YWHAQ: variants seen among roughly 807,000 people sequenced by gnomAD.
The protein encoded by YWHAQ is 14-3-3 protein theta.
A neutral mutation model predicts 28.3 loss-of-function variants in YWHAQ; 6 were observed. The observed-to-expected ratio is 0.21, with a 90% CI of 0.12 to 0.42. The LOEUF (loss-of-function observed/expected upper bound fraction) is 0.42, where lower values mean the gene tolerates loss of function less well. Among genes scored for constraint, YWHAQ ranks in the 10% least tolerant of loss-of-function variants. The pLI is 1.00. For synonymous variants in YWHAQ, 143 were observed against 119.1 expected, an observed-to-expected ratio of 1.20 and a Z score of -1.31; for missense variants, 201 against 305.6, an observed-to-expected ratio of 0.66 and a Z score of 2.55.
chr2:9,622,469 T>G (rs1667159577), intron 2 of YWHAQ, among the ~76,000 whole-genome samples: 1 of 152,250 alleles, frequency 6.6e-6, no homozygotes, highest in South Asian at 2.1e-4. Context: ...TCAATTTTCC[T>G]ACTAGTGGAT....
chr2:9,604,404 T>C (rs892609899), intron 2 of YWHAQ, among the ~76,000 whole-genome samples: 2 of 152,206 alleles, frequency 1.3e-5, no homozygotes, highest in Non-Finnish European at 2.9e-5. Context: ...GTATTCACTA[T>C]GAATTATATT....
chr2:9,612,942 C>A (rs1288341258), intron 2 of YWHAQ, among the ~76,000 whole-genome samples: 1 of 152,134 alleles, frequency 6.6e-6, no homozygotes, highest in African/African-American at 2.4e-5. Flanking sequence ...TGTACATTTA[C>A]CAACAAACAA....
At chr2:9,591,269 TGACA>T in intron 3 of YWHAQ, 119 bp downstream of exon 3, 1 of 1,195,828 alleles carries the variant, frequency 8.4e-7, no homozygotes, top group South Asian at 2.1e-5. Flanking sequence ...CTAATTTTCT[TGACA>T]TACATTCAAT....
chr2:9,593,257 T>G (rs13033994), intron 2 of YWHAQ, among the ~76,000 whole-genome samples: 21,512 of 121,352 alleles, frequency 0.18, 1,362 homozygotes, highest in Non-Finnish European at 0.25. Context: ...TTTTTTTTTT[T>G]GAGACAAAGT....
intron 3 of YWHAQ, among the ~76,000 whole-genome samples, chr2:9,590,905 T>C (rs1412417967): frequency 6.6e-6 from 1 of 152,194 alleles, no homozygotes; most frequent in Admixed American, 6.5e-5. Flanking sequence ...AGAAATCTGA[T>C]TATATGTAAT....
chr2:9,621,596 G>C lies in YWHAQ; in HGVS notation c.294+8563C>G, dbSNP rs1558551046. Among the ~76,000 whole-genome samples, 7 of 151,710 alleles carry C rather than the reference G, an allele frequency of 4.6e-5. No individual in the cohort carries two copies. In the South Asian group the frequency reaches 1.5e-3, roughly 32 times the overall value. On this transcript the variant is annotated intron_variant, in intron 2 of 5. Coordinates refer to ENST00000238081, the MANE Select transcript of YWHAQ (RefSeq NM_006826.4). ...AGACATAAGTACAGGCATATCACTA[G>C]TTTTTTTTCAAAGCAAAATTTACAT...
rs1666317184 is a variant in YWHAQ at position 9,585,132 on chromosome 2, A to C, written c.*154T>G. On this transcript the variant is annotated 3_prime_UTR_variant, in exon 6 of 6. Transcript: ENST00000238081. ...CAAGACAAACACAAATCAAGGAATG[A>C]AGTTTTCCCAAAGCTGCAGTGTGAA... The C allele has an allele frequency of 3.8e-6, 3 of 780,226 alleles. No homozygotes were observed. Among genetic ancestry groups the C allele is most frequent in the Non-Finnish European group, 2.1e-6 (1 of 480,486 alleles). The allele number at this position is 780,226 out of a possible 1,614,324, so 48.3% of individuals were successfully genotyped here.
intron 3 of YWHAQ, among the ~76,000 whole-genome samples, chr2:9,590,990 T>G (rs922684525): frequency 3.3e-4 from 50 of 152,230 alleles, no homozygotes; most frequent in Non-Finnish European, 5.1e-4. Context: ...ACAACCTGTT[T>G]CCACGTTCTG....
intron 2 of YWHAQ, among the ~76,000 whole-genome samples, chr2:9,629,490 C>A (rs139526706): frequency 6.6e-6 from 1 of 152,318 alleles, no homozygotes; most frequent in Non-Finnish European, 1.5e-5. Context: ...CTGCTCCACA[C>A]TGGAAACGAA....
In YWHAQ at chr2:9,584,122, C is replaced by A. The variant is rs1329994305; in HGVS notation, c.*1164G>T. 6.6e-6 allele frequency: 1 copy of A among 152,558 alleles called. No individual in the cohort carries two copies. The highest frequency in any genetic ancestry group is 1.5e-5 in the Non-Finnish European group (1 of 68,032). The allele number at this position is 152,558 out of a possible 1,614,324, so 9.5% of individuals were successfully genotyped here. ...TTATACACTTCCAGGCATCCCTAGA[C>A]AAGTGTGTCACAATGCACAATGTGG... On this transcript the variant is annotated 3_prime_UTR_variant, in exon 6 of 6. Transcript: ENST00000238081.
At chr2:9,592,511 G>C (rs1666477637) in intron 2 of YWHAQ, among the ~76,000 whole-genome samples, 1 of 152,030 alleles carries the variant, frequency 6.6e-6, no homozygotes, top group African/African-American at 2.4e-5. Flanking sequence ...AGATAACAAG[G>C]TCAGGAGTTC....
At chr2:9,588,514 T>C (rs1302580638) in intron 3 of YWHAQ, among the ~76,000 whole-genome samples, 186 bp from the exon 4 acceptor site, 1 of 152,174 alleles carries the variant, frequency 6.6e-6, no homozygotes, top group Non-Finnish European at 1.5e-5. Flanking sequence ...CTCACGCCTA[T>C]AATCCCAGCA....
At chr2:9,597,978 C>G (rs78242894) in intron 2 of YWHAQ, among the ~76,000 whole-genome samples, 6,495 of 121,496 alleles carry the variant, frequency 0.053, 557 homozygotes, top group African/African-American at 0.22. Flanking sequence ...CACCACCATG[C>G]CGGGCTATTT....
intron 5 of YWHAQ, 48 bp from the exon 6 acceptor site, chr2:9,585,393 T>C (rs757292325): frequency 6.3e-7 from 1 of 1,588,490 alleles, no homozygotes; most frequent in Non-Finnish European, 8.6e-7. Flanking sequence ...GATTAGGCAA[T>C]TACACTAAGT....
At chr2:9,619,713 C>CAA (rs1409970361) in intron 2 of YWHAQ, among the ~76,000 whole-genome samples, 1 of 152,144 alleles carries the variant, frequency 6.6e-6, no homozygotes, top group African/African-American at 2.4e-5. Context: ...ACCAAATAAT[C>CAA]AAGAGTATTT....
chr2:9,626,918 G>C (rs1250140324), intron 2 of YWHAQ, among the ~76,000 whole-genome samples: 3 of 152,202 alleles, frequency 2.0e-5, no homozygotes, highest in Non-Finnish European at 4.4e-5. Flanking sequence ...GAGCAGAGCA[G>C]AATGGCTAGG....
chr2:9,597,983 C>CTTTTTTTTTT (rs1558543507), intron 2 of YWHAQ, among the ~76,000 whole-genome samples: 4 of 79,088 alleles, frequency 5.1e-5, no homozygotes, highest in African/African-American at 3.3e-4. Context: ...CCATGCCGGG[C>CTTTTTTTTTT]TATTTTTTTT....
In YWHAQ at chr2:9,630,571, G is replaced by C. The variant is rs1161605161; in HGVS notation, c.-82-37C>G. The C allele has an allele frequency of 9.7e-7, 1 of 1,032,408 alleles. No homozygotes were observed. Among genetic ancestry groups the C allele is most frequent in the Non-Finnish European group, 1.4e-6 (1 of 737,380 alleles). The allele number at this position is 1,032,408 out of a possible 1,614,324, so 64.0% of individuals were successfully genotyped here. ...CGGGGCGGCGAGGCGAGAACAAAAA[G>C]CAGAGAGGGAGCGCCGTCAGACAAT... On this transcript the variant is annotated intron_variant, in intron 1 of 5. Transcript: ENST00000238081. The surrounding 1 kb of genome is among the most constrained non-coding windows in gnomAD (Gnocchi z 5.6).
At chr2:9,598,953 G>A (rs1361103507) in intron 2 of YWHAQ, among the ~76,000 whole-genome samples, 1 of 152,138 alleles carries the variant, frequency 6.6e-6, no homozygotes, top group African/African-American at 2.4e-5. Context: ...GCTAAAGCTG[G>A]GCCTCTTGTA....
Sources: allele counts gnomAD v4.1 joint callset (sites outside exome capture counted in the v4.1 genomes callset), GRCh38; gene constraint gnomAD v4.1.1; non-coding constraint Gnocchi (gnomAD v3.1); transcripts MANE v1.5; gene names NCBI Gene and HGNC (gene_info 2026-07-23, HGNC 2026-07-21).